PHF20: variants seen among roughly 807,000 people sequenced by gnomAD.
PHF20 encodes the protein glioma-expressed antigen 2.
Under a neutral mutation model 113.5 loss-of-function variants are expected in PHF20, and 23 were observed. The ratio of observed to expected loss-of-function variants is 0.20; its 90% CI spans 0.15 to 0.29. PHF20 has a LOEUF of 0.29. PHF20 is among the 10% of genes least tolerant of loss of function. The pLI is 1.00. For synonymous variants in PHF20, 434 were observed against 457.3 expected (o/e 0.95, Z 0.65); for missense variants, 943 against 1,219.6 (o/e 0.77, Z 3.38).
At chr20:35,785,445 G>A (rs908949773) in intron 1 of PHF20, among the ~76,000 whole-genome samples, 6 of 151,790 alleles carry the variant, frequency 4.0e-5, no homozygotes, top group Non-Finnish European at 4.4e-5. Flanking sequence ...TTAGCCTCCC[G>A]AGTAGGTGGT....
chr20:35,780,473 G>A (rs1281411548), intron 1 of PHF20, among the ~76,000 whole-genome samples: 1 of 151,486 alleles, frequency 6.6e-6, no homozygotes. Context: ...TAATCCATCC[G>A]CCTCGGCCTC....
chr20:35,859,567 CAG>C (rs1439633209), intron 5 of PHF20, among the ~76,000 whole-genome samples: 8 of 149,372 alleles, frequency 5.4e-5, no homozygotes, highest in Non-Finnish European at 1.0e-4. Flanking sequence ...TTTTTGGAGA[CAG>C]AGTCTTGTTC....
At chr20:35,906,691 A>G (rs2147071370) in intron 10 of PHF20, among the ~76,000 whole-genome samples, 1 of 152,308 alleles carries the variant, frequency 6.6e-6, no homozygotes, top group Non-Finnish European at 1.5e-5. Context: ...CTTTCTTTTA[A>G]GGCACAACCC....
intron 1 of PHF20, among the ~76,000 whole-genome samples, chr20:35,776,403 A>G (rs1409931064): frequency 1.3e-5 from 2 of 152,218 alleles, no homozygotes; most frequent in Non-Finnish European, 2.9e-5. Context: ...CCAGAAAGAC[A>G]AATGCTGGGG....
intron 1 of PHF20, among the ~76,000 whole-genome samples, chr20:35,798,670 T>C (rs2041716753): frequency 6.6e-6 from 1 of 151,744 alleles, no homozygotes; most frequent in South Asian, 2.1e-4. Context: ...GTTAGGCTGG[T>C]CTCAAACTCC....
At chr20:35,941,502 T>C (rs552851891) in intron 17 of PHF20, among the ~76,000 whole-genome samples, 2 of 152,360 alleles carry the variant, frequency 1.3e-5, no homozygotes, top group South Asian at 2.1e-4. Flanking sequence ...TTTGAGAATT[T>C]GCCTGAGTCA....
At chr20:35,883,551 C>G (rs1203034660) in intron 9 of PHF20, among the ~76,000 whole-genome samples, 1 of 152,080 alleles carries the variant, frequency 6.6e-6, no homozygotes, top group Non-Finnish European at 1.5e-5. Context: ...TGATCCTCCC[C>G]ACTGTTCAGC....
In PHF20 at chr20:35,871,631, C is replaced by A; in HGVS notation, c.1103-19C>A. The A allele has an allele frequency of 6.4e-7, 1 of 1,572,188 alleles. No homozygotes were observed. Among genetic ancestry groups the A allele is most frequent in the Non-Finnish European group, 8.6e-7 (1 of 1,162,064 alleles). On this transcript the variant is annotated intron_variant, in intron 8 of 17. Coordinates refer to ENST00000374012, the MANE Select transcript of PHF20 (RefSeq NM_016436.5). ...TACATACATGTATATTTCCCCCAAACTTTCTTTTTTTCTTCTAGGTCAGTT... is the reference window on the plus strand; with the variant it reads ...TACATACATGTATATTTCCCCCAAAATTTCTTTTTTTCTTCTAGGTCAGTT...
chr20:35,912,270 AC>A (rs1178192642), intron 10 of PHF20, among the ~76,000 whole-genome samples: 3 of 151,782 alleles, frequency 2.0e-5, no homozygotes, highest in African/African-American at 7.3e-5. Flanking sequence ...GAGCCACCGC[AC>A]CCAGCAATGA....
intron 14 of PHF20, among the ~76,000 whole-genome samples, chr20:35,930,734 G>A (rs778461410): frequency 2.3e-4 from 35 of 152,298 alleles, no homozygotes; most frequent in Middle Eastern, 6.8e-3. Context: ...CCCTGCAAAG[G>A]CTTAGGGAAT....
At chr20:35,798,778 A>G (rs1289309466) in intron 1 of PHF20, among the ~76,000 whole-genome samples, 1 of 151,058 alleles carries the variant, frequency 6.6e-6, no homozygotes, top group Non-Finnish European at 1.5e-5. Context: ...TTGTTTTTTA[A>G]AGAGACAGGT....
chr20:35,917,722 T>G, intron 13 of PHF20, 60 bp downstream of exon 13: 1 of 1,450,994 alleles, frequency 6.9e-7, no homozygotes, highest in South Asian at 1.3e-5. Flanking sequence ...TGGAGGGAAT[T>G]TTGAGGCCAG....
intron 2 of PHF20, among the ~76,000 whole-genome samples, chr20:35,808,667 GGTTC>G (rs2041925038): frequency 6.6e-6 from 1 of 151,920 alleles, no homozygotes; most frequent in Non-Finnish European, 1.5e-5. Flanking sequence ...CTGACTCCTG[GGTTC>G]GTGCCATTCT....
At chr20:35,927,647 TAGTC>T in intron 13 of PHF20, 129 bp from the exon 14 acceptor site, 1 of 701,906 alleles carries the variant, frequency 1.4e-6, no homozygotes, top group Non-Finnish European at 2.6e-6. Flanking sequence ...AGTTCCACGT[TAGTC>T]AGGAGGGAGT....
At chr20:35,867,497 G>C (rs1432363023) in intron 6 of PHF20, among the ~76,000 whole-genome samples, 1 of 152,186 alleles carries the variant, frequency 6.6e-6, no homozygotes, top group African/African-American at 2.4e-5. Context: ...CTGAGCTCAA[G>C]TGATCTGCCT....
rs1324102436 is a variant in PHF20, at chr20:35,896,734, G to A, written c.1283-2636G>A. ...GAGAATCGCTTGAACTGGGGAGGTGGAGGTTGCAGTGAGCCGAGATCTCAC... is the reference window on the plus strand; with the variant it reads ...GAGAATCGCTTGAACTGGGGAGGTGAAGGTTGCAGTGAGCCGAGATCTCAC... On this transcript the variant is annotated intron_variant, in intron 9 of 17. Transcript: ENST00000374012. Among the ~76,000 whole-genome samples the A allele has an allele frequency of 3.3e-5, 5 of 149,352 alleles. No individual in the cohort carries two copies. The East Asian group carries it at 9.8e-4, about 29-fold the overall frequency.
At chr20:35,816,023 C>T (rs888350357) in intron 2 of PHF20, among the ~76,000 whole-genome samples, 1 of 152,136 alleles carries the variant, frequency 6.6e-6, no homozygotes, top group African/African-American at 2.4e-5. Context: ...GGGGCTGGAT[C>T]TCAGCTCACA....
intron 2 of PHF20, among the ~76,000 whole-genome samples, chr20:35,814,587 A>G (rs2013456162): frequency 1.3e-5 from 2 of 150,288 alleles, no homozygotes; most frequent in South Asian, 2.1e-4. Flanking sequence ...AAAAATAAAT[A>G]AATAGGCCGG....
intron 1 of PHF20, among the ~76,000 whole-genome samples, chr20:35,781,587 A>G (rs2041297258): frequency 6.6e-6 from 1 of 152,186 alleles, no homozygotes; most frequent in Non-Finnish European, 1.5e-5. Flanking sequence ...TAAGTTATAT[A>G]GCTTACTGGT....
Sources: gnomAD v4.1 joint callset for allele counts (sites outside exome capture counted in the v4.1 genomes callset) on GRCh38, gnomAD v4.1.1 for gene constraint, MANE v1.5 for transcripts, NCBI Gene and HGNC (gene_info 2026-07-23, HGNC 2026-07-21) for gene names.